PCDHGB1: variants seen among roughly 807,000 people sequenced by gnomAD.
PCDHGB1 encodes the protein protocadherin gamma-B1.
Under a neutral mutation model 56.6 loss-of-function variants are expected in PCDHGB1, and 34 were observed. The observed-to-expected ratio is 0.60, with a 90% confidence interval of 0.46 to 0.80. The LOEUF is 0.80. Ranked by LOEUF, PCDHGB1 falls within the 30% of genes least tolerant of loss-of-function variation. PCDHGB1 has a pLI of 0.00. For synonymous variants in PCDHGB1, 561 were observed against 505.9 expected, an observed-to-expected ratio of 1.11 and a Z score of -1.46; for missense variants, 1,278 against 1,204.6, an observed-to-expected ratio of 1.06 and a Z score of -0.90.
At chr5:141,496,759 C>T (rs1287940646) in intron 2 of PCDHGB1, among the ~76,000 whole-genome samples, 2 of 152,038 alleles carry the variant, frequency 1.3e-5, no homozygotes, top group South Asian at 4.2e-4. Context: ...AAATATTTAT[C>T]GAGCATCTAC....
In PCDHGB1 at chr5:141,352,127, C is replaced by T. The variant is rs953232371; in HGVS notation, c.1867C>T (p.Arg623Cys). The T allele has an allele frequency of 1.2e-6, 2 of 1,610,004 alleles. No homozygotes were observed. The highest frequency in any genetic ancestry group is 1.3e-5 in the African/African-American group (1 of 74,846). Residue 623 changes from arginine (R) to cysteine (C), a missense_variant, in exon 1 of 4, where the codon CGC becomes TGC. Transcript: ENST00000523390. The stretch of plus-strand genomic sequence containing the variant: ...CCTGGGGTTGCGCACGGGTGAGGTG[C>T]GCACAGCGCGTGCCTTGGGCGACAG... Reference protein sequence around the residue: ...FSLGLRTGEVRTARALGDRDA... With the variant: ...FSLGLRTGEVCTARALGDRDA...
At chr5:141,389,390 C>A (rs759786018) in intron 1 of PCDHGB1, 1 of 1,613,718 alleles carries the variant, frequency 6.2e-7, no homozygotes, top group Non-Finnish European at 8.5e-7. Context: ...TGTCATCCTA[C>A]GTGTCCATAA....
chr5:141,363,958 G>C (rs1763125463), intron 1 of PCDHGB1, among the ~76,000 whole-genome samples: 1 of 152,214 alleles, frequency 6.6e-6, no homozygotes, highest in Non-Finnish European at 1.5e-5. Context: ...CTCAGGGATT[G>C]TGGAAGTCTT....
chr5:141,360,660 C>A lies in PCDHGB1; in HGVS notation c.2409+7991C>A, dbSNP rs530891991. On this transcript the variant is annotated intron_variant, in intron 1 of 3. Coordinates refer to ENST00000523390, the MANE Select transcript of PCDHGB1 (RefSeq NM_018922.3). Reference sequence around the variant, plus strand: ...TACAAAGATACCACCTTAATGACAACGAGTACTTTGATCTCGCTGAGAAAC... The same window carrying A: ...TACAAAGATACCACCTTAATGACAAAGAGTACTTTGATCTCGCTGAGAAAC... 1.2e-5 allele frequency: 19 copies of A among 1,613,968 alleles called. No individual in the cohort carries two copies. The African/African-American group carries it at 2.4e-4, about 20-fold the overall frequency.
intron 1 of PCDHGB1, among the ~76,000 whole-genome samples, chr5:141,482,944 G>A (rs1362136222): frequency 6.6e-6 from 1 of 152,094 alleles, no homozygotes; most frequent in Non-Finnish European, 1.5e-5. Context: ...GTGGTTGTGG[G>A]TGCCTGTAAT....
chr5:141,357,217 G>A, intron 1 of PCDHGB1: 1 of 1,613,820 alleles, frequency 6.2e-7, no homozygotes, highest in Non-Finnish European at 8.5e-7. Flanking sequence ...AGATGTCCTG[G>A]CTGACTTGGG....
chr5:141,495,818 GTTC>G (rs2099764072), intron 2 of PCDHGB1, among the ~76,000 whole-genome samples: 1 of 151,904 alleles, frequency 6.6e-6, no homozygotes, highest in South Asian at 2.1e-4. Context: ...AGCGCCTTGT[GTTC>G]TTCTATCCCC....
chr5:141,365,759 C>T (rs376978243), intron 1 of PCDHGB1: 1 of 1,613,860 alleles, frequency 6.2e-7, no homozygotes, highest in South Asian at 1.1e-5. Flanking sequence ...TGTGACAGCC[C>T]ATGACCCCGA....
intron 1 of PCDHGB1, chr5:141,397,913 G>C (rs1429104427): frequency 1.4e-6 from 1 of 691,886 alleles, no homozygotes; most frequent in African/African-American, 1.8e-5. Flanking sequence ...TGGCGCTCCA[G>C]ATCTCCTCGC....
chr5:141,357,564 C>G (rs373329089), intron 1 of PCDHGB1: 1 of 1,614,202 alleles, frequency 6.2e-7, no homozygotes, highest in Non-Finnish European at 8.5e-7. Context: ...GTGAGAAAAG[C>G]GAGCCTCTTC....
intron 1 of PCDHGB1, chr5:141,387,786 C>T: frequency 1.4e-6 from 2 of 1,473,828 alleles, no homozygotes; most frequent in Non-Finnish European, 1.8e-6. Flanking sequence ...ACTGGAACTG[C>T]AACTAAAGTC....
At position 141,487,493 on chromosome 5, in the gene PCDHGB1, C is replaced by A. The variant is rs1372433097; in HGVS notation, c.2410-7314C>A. 5.6e-6 allele frequency: 9 copies of A among 1,614,050 alleles called. No individual in the cohort carries two copies. The highest frequency in any genetic ancestry group is 6.8e-6 in the Non-Finnish European group (8 of 1,180,034). On this transcript the variant is annotated intron_variant, in intron 1 of 3. Coordinates refer to ENST00000523390, the MANE Select transcript of PCDHGB1 (RefSeq NM_018922.3). This position sits in a 1 kb window ranked among gnomAD's most constrained non-coding sequence, Gnocchi z 5.0. ...GGGAGGCCACTCTCATGGCTGTACACCCTTGGCTTCTGCACCCACTCGGAG... is the reference window on the plus strand; with the variant it reads ...GGGAGGCCACTCTCATGGCTGTACAACCTTGGCTTCTGCACCCACTCGGAG...
intron 1 of PCDHGB1, chr5:141,478,259 T>G: frequency 6.2e-7 from 1 of 1,614,182 alleles, no homozygotes. Context: ...AGTAATCATA[T>G]TCAAAGTTTA....
chr5:141,503,372 G>A (rs1275544964), intron 2 of PCDHGB1, among the ~76,000 whole-genome samples: 1 of 151,968 alleles, frequency 6.6e-6, no homozygotes, highest in Non-Finnish European at 1.5e-5. Context: ...GGAGGCAGGT[G>A]GATCATGAGG....
chr5:141,510,847 A>C (rs1279701390), intron 3 of PCDHGB1, 100 bp from the exon 4 acceptor site: 1 of 1,595,232 alleles, frequency 6.3e-7, no homozygotes, highest in Non-Finnish European at 8.6e-7. Context: ...GTCAAGGCCC[A>C]GGGTGCTGTA....
intron 1 of PCDHGB1, chr5:141,413,287 T>C (rs937508313): frequency 6.2e-7 from 1 of 1,613,950 alleles, no homozygotes. Flanking sequence ...GATCTCCTAC[T>C]CAATTCCTGA....
chr5:141,418,730 G>GT, intron 1 of PCDHGB1: 1 of 1,613,952 alleles, frequency 6.2e-7, no homozygotes, highest in Non-Finnish European at 8.5e-7. Context: ...AGCTCAGCAC[G>GT]TGTTCTCTCT....
chr5:141,489,342 A>G lies in PCDHGB1; in HGVS notation c.2410-5465A>G. 3.7e-6 allele frequency: 6 copies of G among 1,609,084 alleles called. No homozygotes were observed. The Middle Eastern group carries it at 6.6e-4, about 178-fold the overall frequency. On this transcript the variant is annotated intron_variant, in intron 1 of 3. Transcript: ENST00000523390. The surrounding 1 kb of genome is among the most constrained non-coding windows in gnomAD (Gnocchi z 4.5). ...GGGTGTCTGGGCAGCTTCGTTACTCAGTGGTGGAGGAGTCTGAGCCGGGGA... is the reference window on the plus strand; with the variant it reads ...GGGTGTCTGGGCAGCTTCGTTACTCGGTGGTGGAGGAGTCTGAGCCGGGGA...
At chr5:141,389,328 A>G (rs2091708257) in intron 1 of PCDHGB1, 2 of 1,613,854 alleles carry the variant, frequency 1.2e-6, no homozygotes, top group African/African-American at 2.7e-5. Context: ...CTTGGGGCCC[A>G]ACGGCCAAGT....
Sources: gnomAD v4.1 joint callset for allele counts (sites outside exome capture counted in the v4.1 genomes callset) on GRCh38, gnomAD v4.1.1 for gene constraint, Gnocchi (gnomAD v3.1) non-coding constraint, MANE v1.5 for transcripts, NCBI Gene and HGNC (gene_info 2026-07-23, HGNC 2026-07-21) for gene names.